CMSS1: variants seen among roughly 807,000 people sequenced by gnomAD.
The protein encoded by CMSS1 is protein CMSS1.
Under a neutral mutation model 43.5 loss-of-function variants are expected in CMSS1, and 33 were observed. That is an observed-to-expected ratio of 0.76 (90% CI 0.57 to 1.01). CMSS1 has a LOEUF of 1.01. CMSS1 is among the 50% of genes least tolerant of loss of function. CMSS1 has a pLI of 0.00. For synonymous variants in CMSS1, 115 were observed against 117.2 expected, an observed-to-expected ratio of 0.98 and a Z score of 0.12; for missense variants, 313 against 326.4, an observed-to-expected ratio of 0.96 and a Z score of 0.32.
chr3:99,848,837 T>G, intron 1 of CMSS1: 1 of 1,614,130 alleles, frequency 6.2e-7, no homozygotes, highest in Non-Finnish European at 8.5e-7. Context: ...TGGAGGATGG[T>G]TATCCTTTGC....
At chr3:99,939,373 T>C (rs1008478597) in intron 1 of CMSS1, among the ~76,000 whole-genome samples, 3 of 152,240 alleles carry the variant, frequency 2.0e-5, no homozygotes, top group African/African-American at 7.2e-5. Context: ...CTTGCCACAG[T>C]GTAGTCCTTT....
At position 99,993,327 on chromosome 3, in the gene CMSS1, T is replaced by G. The variant is rs139561163; in HGVS notation, c.65-153646T>G. Among the ~76,000 whole-genome samples, 4 of 152,214 alleles carry G rather than the reference T, an allele frequency of 2.6e-5. No individual in the cohort carries two copies. In the East Asian group the frequency reaches 7.7e-4, roughly 29 times the overall value. On this transcript the variant is annotated intron_variant, in intron 1 of 9. Coordinates refer to ENST00000421999, the MANE Select transcript of CMSS1 (RefSeq NM_032359.4). ...ATGTCATCTACAACTTCTTTCAGTT[T>G]TGGAGCTTGGAACTTCACTAGTTCA...
At chr3:100,069,667 T>G (rs1002452989) in intron 1 of CMSS1, among the ~76,000 whole-genome samples, 3 of 152,160 alleles carry the variant, frequency 2.0e-5, no homozygotes, top group African/African-American at 7.2e-5. Flanking sequence ...TTCCTGGCAT[T>G]GCCTATCAGG....
intron 1 of CMSS1, among the ~76,000 whole-genome samples, chr3:99,974,275 C>T (rs967334997): frequency 2.0e-5 from 3 of 152,166 alleles, no homozygotes; most frequent in African/African-American, 4.8e-5. Context: ...CTTTCAAGCA[C>T]GGGTTGATTT....
At chr3:100,003,925 A>G (rs546517343) in intron 1 of CMSS1, among the ~76,000 whole-genome samples, 13 of 152,360 alleles carry the variant, frequency 8.5e-5, no homozygotes, top group African/African-American at 3.1e-4. Context: ...TGTGCAAACA[A>G]GTCTTCTCAG....
chr3:100,128,104 A>G (rs1286532687), intron 1 of CMSS1, among the ~76,000 whole-genome samples: 4 of 152,222 alleles, frequency 2.6e-5, no homozygotes, highest in Admixed American at 2.6e-4. Context: ...GGAGATAATA[A>G]TGAGGATTCA....
intron 8 of CMSS1, among the ~76,000 whole-genome samples, chr3:100,174,501 T>C (rs762743416): frequency 2.1e-4 from 32 of 152,184 alleles, no homozygotes; most frequent in Non-Finnish European, 3.7e-4. Flanking sequence ...TTATTTCATA[T>C]GGAAAAATCA....
intron 1 of CMSS1, among the ~76,000 whole-genome samples, chr3:99,875,478 T>C (rs554727295): frequency 3.9e-5 from 6 of 152,334 alleles, no homozygotes; most frequent in Middle Eastern, 6.8e-3. Context: ...AAAACTATGA[T>C]AGTTACTTCC....
rs541539407 is a variant in CMSS1 at position 100,062,400 on chromosome 3, C to T, written c.65-84573C>T. ...TGCTAGGATTACAGGTGTGAGCCAC[C>T]GCGCCCGGTCTATCCTGTCTTCTTT... On this transcript the variant is annotated intron_variant, in intron 1 of 9. Coordinates refer to ENST00000421999, the MANE Select transcript of CMSS1 (RefSeq NM_032359.4). 3.3e-4 allele frequency among the ~76,000 whole-genome samples: 50 copies of T among 152,090 alleles called. No homozygotes were observed. In the South Asian group the frequency reaches 8.9e-3, roughly 27 times the overall value.
At chr3:100,132,818 CAAAAAAAA>C (rs537334560) in intron 1 of CMSS1, among the ~76,000 whole-genome samples, 126 of 66,360 alleles carry the variant, frequency 1.9e-3, no homozygotes, top group African/African-American at 6.0e-3. Context: ...GACTCCATCC[CAAAAAAAA>C]AAAAAAAAAA....
At chr3:100,119,133 A>G (rs933304812) in intron 1 of CMSS1, among the ~76,000 whole-genome samples, 2 of 152,224 alleles carry the variant, frequency 1.3e-5, no homozygotes, top group African/African-American at 2.4e-5. Flanking sequence ...GAAGCCTAAT[A>G]CTGTGCTTTT....
intron 1 of CMSS1, among the ~76,000 whole-genome samples, chr3:99,863,280 G>C (rs1404720209): frequency 6.6e-6 from 1 of 152,174 alleles, no homozygotes; most frequent in East Asian, 1.9e-4. Context: ...GATCTAACAG[G>C]AGGCAGAGTT....
chr3:100,157,870 C>G (rs921609985), intron 2 of CMSS1, among the ~76,000 whole-genome samples: 6 of 152,144 alleles, frequency 3.9e-5, no homozygotes, highest in Admixed American at 1.3e-4. Flanking sequence ...TTCAGCCAAT[C>G]TCTTCTTTTT....
intron 1 of CMSS1, among the ~76,000 whole-genome samples, chr3:99,911,420 A>G (rs944267078): frequency 1.3e-5 from 2 of 151,756 alleles, no homozygotes; most frequent in Non-Finnish European, 2.9e-5. Context: ...CAAGGCCTGT[A>G]TACACTCTAG....
chr3:99,884,651 C>T (rs189063263), intron 1 of CMSS1, among the ~76,000 whole-genome samples: 2 of 152,174 alleles, frequency 1.3e-5, no homozygotes, highest in Non-Finnish European at 1.5e-5. Context: ...ACCTAAAGAA[C>T]GAGGAAATGA....
At chr3:99,872,542 C>T (rs1321657732) in intron 1 of CMSS1, among the ~76,000 whole-genome samples, 1 of 152,032 alleles carries the variant, frequency 6.6e-6, no homozygotes, top group African/African-American at 2.4e-5. Flanking sequence ...TACCTATCTA[C>T]TCCTCTACTT....
chr3:99,905,360 C>G (rs1237734198), intron 1 of CMSS1, among the ~76,000 whole-genome samples: 1 of 152,154 alleles, frequency 6.6e-6, no homozygotes, highest in Non-Finnish European at 1.5e-5. Flanking sequence ...CACAGGATTC[C>G]AAAGCCAAAC....
chr3:100,166,190 T>C, intron 4 of CMSS1, 145 bp from the exon 5 acceptor site: 1 of 540,470 alleles, frequency 1.9e-6, no homozygotes, highest in Admixed American at 3.2e-5. Flanking sequence ...ATTTTAAATA[T>C]AGGCAACACT....
At chr3:100,068,340 G>A (rs965552105) in intron 1 of CMSS1, among the ~76,000 whole-genome samples, 1 of 138,622 alleles carries the variant, frequency 7.2e-6, no homozygotes, top group Non-Finnish European at 1.6e-5. Context: ...CATGAATGAT[G>A]AAAGAGCCTC....
Sources: gnomAD v4.1 joint callset for allele counts (sites outside exome capture counted in the v4.1 genomes callset) on GRCh38, gnomAD v4.1.1 for gene constraint, MANE v1.5 for transcripts, NCBI Gene and HGNC (gene_info 2026-07-23, HGNC 2026-07-21) for gene names.